Variants in ASAP2 observed in about 807,000 individuals in gnomAD.
The protein encoded by ASAP2 is ArfGAP with SH3 domain, ankyrin repeat and PH domain 2, also known as arf-GAP with SH3 domain, ANK repeat and PH domain-containing protein 2.
ASAP2 carries 45 observed loss-of-function variants against 131.4 expected under a neutral mutation model. The observed-to-expected ratio is 0.34, with a 90% CI of 0.27 to 0.44. ASAP2 has a LOEUF of 0.44. ASAP2 is among the 20% of genes least tolerant of loss of function. ASAP2 has a pLI of 1.00. For missense variants in ASAP2, 1,011 were observed against 1,297.0 expected, an observed-to-expected ratio of 0.78 and a Z score of 3.39; for synonymous variants, 510 against 503.0, an observed-to-expected ratio of 1.01 and a Z score of -0.19.
At chr2:9,362,869 G>A (rs935588368) in intron 15 of ASAP2, among the ~76,000 whole-genome samples, 3 of 152,072 alleles carry the variant, frequency 2.0e-5, no homozygotes, top group Non-Finnish European at 2.9e-5. Flanking sequence ...TATACAGTAC[G>A]TTATTATTAA....
intron 21 of ASAP2, 133 bp from the exon 22 acceptor site, chr2:9,388,161 A>G (rs1322637671): frequency 2.7e-6 from 3 of 1,125,784 alleles, no homozygotes; most frequent in African/African-American, 1.6e-5. Flanking sequence ...CTCTCAGGCA[A>G]CAGTTGAGAG....
chr2:9,399,479 A>G (rs950287093), intron 24 of ASAP2: 1 of 153,776 alleles, frequency 6.5e-6, no homozygotes, highest in Non-Finnish European at 1.4e-5. Context: ...CCTGAGAACT[A>G]CTTCCTCACT....
At chr2:9,313,385 G>GTTC (rs896337766) in intron 3 of ASAP2, among the ~76,000 whole-genome samples, 9 of 152,206 alleles carry the variant, frequency 5.9e-5, no homozygotes, top group Admixed American at 3.9e-4. Context: ...CTCTGCTGCA[G>GTTC]AGAATCTTGT....
chr2:9,346,721 A>G (rs1671990972), intron 11 of ASAP2, among the ~76,000 whole-genome samples: 1 of 152,228 alleles, frequency 6.6e-6, no homozygotes, highest in South Asian at 2.1e-4. Flanking sequence ...ACAGCTCTGA[A>G]GTCAAGGGGC....
At position 9,346,989 on chromosome 2, in the gene ASAP2, T is replaced by G. The variant is rs112697510; in HGVS notation, c.1023+2189T>G. 1.2e-3 allele frequency among the ~76,000 whole-genome samples: 190 copies of G among 152,362 alleles called. 4 individuals carry two copies. Among genetic ancestry groups the G allele is most frequent in the African/African-American group, 4.4e-3 (183 of 41,590 alleles). On this transcript the variant is annotated intron_variant, in intron 11 of 27. Transcript: ENST00000281419. ...TTACTGGGATGCTGAGAACTCAGCT[T>G]GTCACACAGCGTGTGCATATTTAAT...
chr2:9,273,188 A>G (rs984916976), intron 1 of ASAP2, among the ~76,000 whole-genome samples: 5 of 152,088 alleles, frequency 3.3e-5, no homozygotes, highest in African/African-American at 1.2e-4. Context: ...AATATGGAAT[A>G]TCTTCATTTT....
chr2:9,351,185 T>A (rs1452102322), intron 12 of ASAP2, among the ~76,000 whole-genome samples: 1 of 152,162 alleles, frequency 6.6e-6, no homozygotes, highest in African/African-American at 2.4e-5. Flanking sequence ...AGGGAGATCC[T>A]ACAAGAGAAG....
chr2:9,237,643 C>T (rs1663645968), intron 1 of ASAP2, among the ~76,000 whole-genome samples: 1 of 152,022 alleles, frequency 6.6e-6, no homozygotes, highest in South Asian at 2.1e-4. Flanking sequence ...TGGTCTCAAA[C>T]TCCTGGGCTC....
At chr2:9,331,630 C>T (rs1670845053) in intron 7 of ASAP2, among the ~76,000 whole-genome samples, 1 of 151,992 alleles carries the variant, frequency 6.6e-6, no homozygotes, top group Non-Finnish European at 1.5e-5. Flanking sequence ...TAGCCGGATG[C>T]GGTAGTGCAC....
intron 18 of ASAP2, among the ~76,000 whole-genome samples, chr2:9,378,402 C>A (rs1674564965): frequency 6.6e-6 from 1 of 152,198 alleles, no homozygotes; most frequent in Admixed American, 6.5e-5. Flanking sequence ...AGGGTATTCC[C>A]AGGGCAAACA....
At chr2:9,399,788 G>A (rs998386563) in intron 24 of ASAP2, 9 of 563,378 alleles carry the variant, frequency 1.6e-5, no homozygotes, top group Non-Finnish European at 2.5e-5. Context: ...AGGCTCACGT[G>A]GACAGAGTGC....
At chr2:9,258,626 A>G (rs563497103) in intron 1 of ASAP2, among the ~76,000 whole-genome samples, 95 of 152,234 alleles carry the variant, frequency 6.2e-4, no homozygotes, top group African/African-American at 2.2e-3. Context: ...AACAAATGCA[A>G]ACCTTCCCGG....
Position 9,391,061 on chromosome 2 carries a change from G to T in ASAP2, c.2384-1G>T. The stretch of plus-strand genomic sequence containing the variant: ...GTCTGTGTGCATGCGTGTGGGTTCA[G>T]TTCAGACAGCCTCCTCTGCTAACAC... On this transcript the variant is annotated splice_acceptor_variant, in intron 22 of 27. Transcript: ENST00000281419. LOFTEE classifies it high-confidence loss of function. The T allele has an allele frequency of 1.2e-6, 2 of 1,614,234 alleles. No individual in the cohort carries two copies. Among genetic ancestry groups the T allele is most frequent in the Non-Finnish European group, 1.7e-6 (2 of 1,180,056 alleles).
intron 1 of ASAP2, among the ~76,000 whole-genome samples, chr2:9,243,492 T>G (rs1664124684): frequency 6.6e-6 from 1 of 152,190 alleles, no homozygotes; most frequent in Non-Finnish European, 1.5e-5. Flanking sequence ...TGTGACTGAG[T>G]CAGAGAAGTA....
intron 2 of ASAP2, among the ~76,000 whole-genome samples, chr2:9,295,940 C>T (rs1450828018): frequency 2.0e-5 from 3 of 152,208 alleles, no homozygotes; most frequent in Non-Finnish European, 2.9e-5. Context: ...GACTGCCCTC[C>T]AGGAACAAAT....
rs11685369 is a variant in ASAP2 at position 9,245,425 on chromosome 2, T to A, written c.127-33892T>A. On this transcript the variant is annotated intron_variant, in intron 1 of 27. Transcript: ENST00000281419. ...ACTTGGGGGCATTCACTGTGCTAGGTGTGGAGGGTTCTATAAAAACAAACC... is the reference window on the plus strand; with the variant it reads ...ACTTGGGGGCATTCACTGTGCTAGGAGTGGAGGGTTCTATAAAAACAAACC... 6.5e-3 allele frequency among the ~76,000 whole-genome samples: 995 copies of A among 152,266 alleles called. 12 individuals are homozygous for A. Among genetic ancestry groups the A allele is most frequent in the African/African-American group, 0.023 (957 of 41,554 alleles).
intron 2 of ASAP2, among the ~76,000 whole-genome samples, chr2:9,292,616 C>T (rs748114794): frequency 2.0e-5 from 3 of 152,210 alleles, no homozygotes; most frequent in African/African-American, 4.8e-5. Context: ...CTGTCTGTTT[C>T]TGTGATCTGC....
At chr2:9,250,791 A>G (rs1333061220) in intron 1 of ASAP2, among the ~76,000 whole-genome samples, 3 of 152,134 alleles carry the variant, frequency 2.0e-5, no homozygotes, top group African/African-American at 7.2e-5. Flanking sequence ...ATTAAGCTAT[A>G]CCTGCGGGGT....
chr2:9,300,090 A>G (rs1400182630), intron 3 of ASAP2, among the ~76,000 whole-genome samples: 2 of 152,330 alleles, frequency 1.3e-5, no homozygotes, highest in Non-Finnish European at 2.9e-5. Context: ...AAACTTAGCC[A>G]GGCGTGGTGG....
Sources: gnomAD v4.1 joint callset for allele counts (sites outside exome capture counted in the v4.1 genomes callset) on GRCh38, gnomAD v4.1.1 for gene constraint, MANE v1.5 for transcripts, NCBI Gene and HGNC (gene_info 2026-07-23, HGNC 2026-07-21) for gene names.